The following DMD variants were observed in gnomAD, a reference collection of about 807,000 sequenced individuals.
DMD encodes the protein mutant dystrophin.
Under a neutral mutation model 330.1 loss-of-function variants are expected in DMD, and 63 were observed. The ratio of observed to expected loss-of-function variants is 0.19; its 90% CI spans 0.16 to 0.24. DMD has a LOEUF of 0.24. DMD is among the 10% of genes least tolerant of loss of function. The pLI is 1.00. For missense variants in DMD, 3,344 were observed against 2,684.1 expected (o/e 1.25, Z -5.43); for synonymous variants, 1,223 against 959.8 (o/e 1.27, Z -5.07).
chrX:33,048,694 T>TA (rs748856962), intron 1 of DMD, among the ~76,000 whole-genome samples: 16,873 of 35,478 alleles, frequency 0.48, 4,561 homozygotes, highest in Non-Finnish European at 0.54. Flanking sequence ...ACTCCCCATC[T>TA]AAAAAAAAAA....
intron 63 of DMD, among the ~76,000 whole-genome samples, chrX:31,259,906 C>T (rs2050342120): frequency 9.0e-6 from 1 of 110,826 alleles, no homozygotes; most frequent in Non-Finnish European, 1.9e-5. Context: ...GTGTTCATCA[C>T]ATAACCTTAA....
intron 1 of DMD, among the ~76,000 whole-genome samples, chrX:33,089,634 C>T (rs1276907231): frequency 9.0e-6 from 1 of 111,392 alleles, no homozygotes; most frequent in Non-Finnish European, 1.9e-5. Flanking sequence ...ATCAGCCTTG[C>T]TAAAAGTAAA....
intron 55 of DMD, among the ~76,000 whole-genome samples, chrX:31,556,948 T>C (rs1167516410): frequency 8.9e-6 from 1 of 112,165 alleles, no homozygotes; most frequent in Non-Finnish European, 1.9e-5. Context: ...TACTGCCCAT[T>C]TGTTTAAAGG....
At position 33,141,890 on chromosome X, in the gene DMD, G is replaced by T. The variant is rs967080728; in HGVS notation, c.31+69392C>A. 3.6e-5 allele frequency among the ~76,000 whole-genome samples: 4 copies of T among 111,566 alleles called. No homozygotes were observed. In the East Asian group the frequency reaches 1.1e-3, roughly 32 times the overall value. ...CACAGCAGAGGAAATTAATTTACTC[G>T]CCATGAAAACACAATTCTTAATGAT... On this transcript the variant is annotated intron_variant, in intron 1 of 78. Coordinates refer to ENST00000357033, the MANE Select transcript of DMD (RefSeq NM_004006.3).
chrX:32,702,070 T>C (rs780140005), intron 7 of DMD, among the ~76,000 whole-genome samples: 4 of 112,209 alleles, frequency 3.6e-5, no homozygotes, highest in African/African-American at 1.3e-4. Context: ...TTCATCAACA[T>C]ACATTTTCAA....
chrX:32,019,949 T>C lies in DMD; in HGVS notation c.6439-51435A>G, dbSNP rs139426399. The stretch of plus-strand genomic sequence containing the variant: ...ATAGATATTAAAGCCCTAGCACAAA[T>C]TCTGAAACATAGCGGCTTTTTTGCA... On this transcript the variant is annotated intron_variant, in intron 44 of 78. Transcript: ENST00000357033. Among the ~76,000 whole-genome samples, 159 of 112,760 alleles carry C rather than the reference T, an allele frequency of 1.4e-3. 1 individual carries two copies. In the East Asian group the frequency reaches 0.024, roughly 17 times the overall value.
chrX:33,250,331 T>C (rs2052752907), intron 1 of DMD, among the ~76,000 whole-genome samples: 1 of 108,804 alleles, frequency 9.2e-6, no homozygotes, highest in South Asian at 4.0e-4. Flanking sequence ...AGCCTGCAAC[T>C]TATTTCCCTC....
intron 77 of DMD, among the ~76,000 whole-genome samples, chrX:31,129,087 G>A (rs1402271807): frequency 9.0e-6 from 1 of 110,986 alleles, no homozygotes; most frequent in African/African-American, 3.3e-5. Flanking sequence ...AGTGTGCTGG[G>A]GCAGTCCTGA....
chrX:32,115,644 C>G (rs1257614302), intron 44 of DMD, among the ~76,000 whole-genome samples: 2 of 111,798 alleles, frequency 1.8e-5, no homozygotes, highest in Non-Finnish European at 3.8e-5. Flanking sequence ...TAATGAGACT[C>G]TGATAATAAG....
chrX:32,524,060 G>A (rs984071488), intron 17 of DMD, among the ~76,000 whole-genome samples: 2 of 108,198 alleles, frequency 1.8e-5, no homozygotes, highest in Non-Finnish European at 1.9e-5. Context: ...AGCCTCCCGA[G>A]TAGCTGGGAC....
At chrX:32,209,904 T>A (rs986979735) in intron 44 of DMD, among the ~76,000 whole-genome samples, 1 of 111,761 alleles carries the variant, frequency 8.9e-6, no homozygotes, top group African/African-American at 3.2e-5. Context: ...TTAATATACT[T>A]ATTTCTGAAA....
At chrX:32,117,676 G>C (rs2096616846) in intron 44 of DMD, among the ~76,000 whole-genome samples, 1 of 112,210 alleles carries the variant, frequency 8.9e-6, no homozygotes, top group African/African-American at 3.2e-5. Context: ...CAAATTCCCA[G>C]GCTATGATTT....
chrX:32,319,485 T>C (rs1175266836), intron 41 of DMD, among the ~76,000 whole-genome samples: 1 of 111,764 alleles, frequency 8.9e-6, no homozygotes, highest in African/African-American at 3.2e-5. Flanking sequence ...GTGGTTACAA[T>C]TGCTGGGATT....
intron 2 of DMD, among the ~76,000 whole-genome samples, chrX:33,004,185 GGAA>G (rs1407345511): frequency 8.9e-6 from 1 of 111,829 alleles, no homozygotes; most frequent in Non-Finnish European, 1.9e-5. Flanking sequence ...TAAAATGACA[GGAA>G]GAAAACCTTT....
chrX:31,341,887 GCGCGCACACA>G (rs1569529200), intron 61 of DMD, among the ~76,000 whole-genome samples: 3 of 67,287 alleles, frequency 4.5e-5, no homozygotes, highest in Non-Finnish European at 8.9e-5. Flanking sequence ...GTGCGTGCGC[GCGCGCACACA>G]CACACACACA....
intron 7 of DMD, among the ~76,000 whole-genome samples, chrX:32,808,548 A>C (rs973358834): frequency 9.0e-6 from 1 of 110,979 alleles, no homozygotes. Context: ...GTTGATAATA[A>C]ATTCACTGGC....
At chrX:31,873,012 C>T (rs1455781278) in intron 48 of DMD, among the ~76,000 whole-genome samples, 2 of 111,177 alleles carry the variant, frequency 1.8e-5, no homozygotes, top group Admixed American at 1.9e-4. Flanking sequence ...TCATGTATGA[C>T]TAAAATTCAG....
chrX:32,190,957 A>C (rs2096972760), intron 44 of DMD, among the ~76,000 whole-genome samples: 1 of 109,746 alleles, frequency 9.1e-6, no homozygotes, highest in Non-Finnish European at 1.9e-5. Context: ...GGGAAATAAG[A>C]CTCAGAATCA....
At chrX:31,529,905 A>G (rs1317409206) in intron 55 of DMD, among the ~76,000 whole-genome samples, 1 of 111,070 alleles carries the variant, frequency 9.0e-6, no homozygotes, top group Admixed American at 9.6e-5. Flanking sequence ...TTTAAAAAAA[A>G]AAAAAAAGAA....
Sources: allele counts gnomAD v4.1 joint callset (sites outside exome capture counted in the v4.1 genomes callset), GRCh38; gene constraint gnomAD v4.1.1; transcripts MANE v1.5; gene names NCBI Gene and HGNC (gene_info 2026-07-23, HGNC 2026-07-21).